The following FAM168A variants were observed in gnomAD, a reference collection of about 807,000 sequenced individuals.
FAM168A encodes the protein family with sequence similarity 168 member A.
In FAM168A, 3 loss-of-function variants were observed where a neutral mutation model predicts 28.5. That is an observed-to-expected ratio of 0.11 (90% CI 0.05 to 0.27). The LOEUF (loss-of-function observed/expected upper bound fraction) is 0.27, where lower values mean the gene tolerates loss of function less well. Among genes scored for constraint, FAM168A ranks in the 10% least tolerant of loss-of-function variants. The pLI, the probability that FAM168A is intolerant of heterozygous loss-of-function variation, is 1.00. For missense variants in FAM168A, 222 were observed against 311.5 expected (o/e 0.71, Z 2.16); for synonymous variants, 122 against 124.2 (o/e 0.98, Z 0.12).
intron 1 of FAM168A, among the ~76,000 whole-genome samples, chr11:73,531,335 T>C (rs1245568559): frequency 6.6e-6 from 1 of 152,078 alleles, no homozygotes; most frequent in African/African-American, 2.4e-5. Context: ...TAGAAAGCAA[T>C]ACAGAAACAA....
chr11:73,475,626 A>T lies in FAM168A; in HGVS notation c.-18-7134T>A, dbSNP rs1028254635. ...CCTTTCCCCCAAAAGCAAAAATAAA[A>T]TGAGATGAAATGTTAAAAAAAAAAC... On this transcript the variant is annotated intron_variant, in intron 1 of 7. Transcript: ENST00000356467. Among the ~76,000 whole-genome samples the T allele has an allele frequency of 6.6e-5, 10 of 151,174 alleles. No homozygotes were observed. In the South Asian group the frequency reaches 1.4e-3, roughly 22 times the overall value.
chr11:73,442,836 TTC>T (rs1231435175), intron 2 of FAM168A, among the ~76,000 whole-genome samples: 3 of 136,932 alleles, frequency 2.2e-5, no homozygotes, highest in African/African-American at 9.2e-5. Context: ...CTTTCTTTCT[TTC>T]TTTTTTTTTT....
chr11:73,446,236 T>C (rs529346204), intron 2 of FAM168A, among the ~76,000 whole-genome samples: 1 of 152,264 alleles, frequency 6.6e-6, no homozygotes, highest in East Asian at 1.9e-4. Flanking sequence ...CTATAATCAG[T>C]TGAAATTATA....
chr11:73,424,166 C>T (rs1230197835), intron 3 of FAM168A, among the ~76,000 whole-genome samples: 1 of 152,164 alleles, frequency 6.6e-6, no homozygotes, highest in Non-Finnish European at 1.5e-5. Context: ...ATCACACAGC[C>T]CACAGCAGTG....
At chr11:73,551,448 C>A (rs1432527676) in intron 1 of FAM168A, among the ~76,000 whole-genome samples, 2 of 152,192 alleles carry the variant, frequency 1.3e-5, no homozygotes, top group African/African-American at 4.8e-5. Flanking sequence ...CCTCTCAAAG[C>A]TGGAACACCA....
chr11:73,463,489 A>G (rs953442892), intron 2 of FAM168A, among the ~76,000 whole-genome samples: 1 of 152,210 alleles, frequency 6.6e-6, no homozygotes, highest in Non-Finnish European at 1.5e-5. Context: ...AGCATGAGAC[A>G]TTCATGGAGG....
chr11:73,585,944 C>A (rs1361791851), intron 1 of FAM168A, among the ~76,000 whole-genome samples: 1 of 150,708 alleles, frequency 6.6e-6, no homozygotes, highest in Non-Finnish European at 1.5e-5. Flanking sequence ...TCCTAGTGTG[C>A]AAAACCACTG....
intron 6 of FAM168A, among the ~76,000 whole-genome samples, 182 bp from the exon 7 acceptor site, chr11:73,407,825 A>T (rs77043696): frequency 0.018 from 2,744 of 152,156 alleles, 67 homozygotes; most frequent in African/African-American, 0.055. Context: ...CCTTAGGGGA[A>T]TTTTTTCTGA....
intron 1 of FAM168A, among the ~76,000 whole-genome samples, chr11:73,559,839 C>T (rs550346454): frequency 6.6e-6 from 1 of 152,288 alleles, no homozygotes; most frequent in Admixed American, 6.5e-5. Flanking sequence ...CCTCCCTTCA[C>T]ACAAACTTCC....
chr11:73,448,959 A>C (rs1867375650), intron 2 of FAM168A, among the ~76,000 whole-genome samples: 1 of 151,424 alleles, frequency 6.6e-6, no homozygotes, highest in South Asian at 2.1e-4. Flanking sequence ...CTCTCTCTCT[A>C]ACTCTATCTC....
intron 2 of FAM168A, among the ~76,000 whole-genome samples, chr11:73,443,078 A>G (rs1867233403): frequency 6.8e-6 from 1 of 147,806 alleles, no homozygotes; most frequent in Admixed American, 6.8e-5. Flanking sequence ...ATTTACACTC[A>G]GGTTGCTAAA....
At chr11:73,576,449 C>T (rs1029368587) in intron 1 of FAM168A, among the ~76,000 whole-genome samples, 15 of 152,262 alleles carry the variant, frequency 9.9e-5, no homozygotes, top group South Asian at 4.1e-4. Flanking sequence ...AGGCTACAGC[C>T]ATCAGATAAA....
At chr11:73,497,429 C>A (rs532854643) in intron 1 of FAM168A, among the ~76,000 whole-genome samples, 88 of 151,500 alleles carry the variant, frequency 5.8e-4, no homozygotes, top group Admixed American at 9.2e-4. Context: ...AGCCTGGCGA[C>A]AGAGAGTGAC....
intron 1 of FAM168A, among the ~76,000 whole-genome samples, chr11:73,517,833 G>C (rs1211728169): frequency 6.6e-6 from 1 of 152,166 alleles, no homozygotes; most frequent in Non-Finnish European, 1.5e-5. Flanking sequence ...ATTCATACAA[G>C]GGTCAATTAC....
chr11:73,450,634 T>C (rs957307653), intron 2 of FAM168A, among the ~76,000 whole-genome samples: 1 of 151,108 alleles, frequency 6.6e-6, no homozygotes, highest in African/African-American at 2.4e-5. Flanking sequence ...TGGCCTTTTT[T>C]CCCTCCCAAA....
At chr11:73,437,251 C>T (rs1008311758) in intron 2 of FAM168A, among the ~76,000 whole-genome samples, 2 of 151,902 alleles carry the variant, frequency 1.3e-5, no homozygotes, top group African/African-American at 4.8e-5. Flanking sequence ...GCACATGCCA[C>T]CCCACCTGGC....
At chr11:73,522,480 G>T (rs1943394800) in intron 1 of FAM168A, among the ~76,000 whole-genome samples, 1 of 151,934 alleles carries the variant, frequency 6.6e-6, no homozygotes, top group Admixed American at 6.6e-5. Context: ...GGGACTACAG[G>T]TGCCTGCCAC....
At chr11:73,519,103 C>A (rs889075044) in intron 1 of FAM168A, among the ~76,000 whole-genome samples, 1 of 152,292 alleles carries the variant, frequency 6.6e-6, no homozygotes, top group Non-Finnish European at 1.5e-5. Flanking sequence ...TATAGCAACA[C>A]AAATGGACTG....
intron 1 of FAM168A, among the ~76,000 whole-genome samples, chr11:73,522,603 T>C (rs372015086): frequency 1.6e-4 from 24 of 151,978 alleles, no homozygotes; most frequent in African/African-American, 5.8e-4. Flanking sequence ...CCCAAAGTGC[T>C]GGGATTACAG....
Sources: gnomAD v4.1 joint callset for allele counts (sites outside exome capture counted in the v4.1 genomes callset) on GRCh38, gnomAD v4.1.1 for gene constraint, MANE v1.5 for transcripts, NCBI Gene and HGNC (gene_info 2026-07-23, HGNC 2026-07-21) for gene names.